The following PTPRD variants were observed in gnomAD, a reference collection of about 807,000 sequenced individuals.
PTPRD encodes the protein protein tyrosine phosphatase receptor type D.
In PTPRD, 34 loss-of-function variants were observed where a neutral mutation model predicts 214.5. The observed-to-expected ratio is 0.16, with a 90% CI of 0.12 to 0.21. The LOEUF (loss-of-function observed/expected upper bound fraction) is 0.21, where lower values mean the gene tolerates loss of function less well. PTPRD is among the 10% of genes least tolerant of loss of function. The pLI is 1.00. For synonymous variants in PTPRD, 1,128 were observed against 845.7 expected (o/e 1.33, Z -5.79); for missense variants, 2,545 against 2,398.7 (o/e 1.06, Z -1.27).
intron 8 of PTPRD, among the ~76,000 whole-genome samples, chr9:9,426,999 C>T (rs2081219636): frequency 6.6e-6 from 1 of 152,170 alleles, no homozygotes; most frequent in Admixed American, 6.5e-5. Context: ...ATCAGAACAC[C>T]TCTTCTCCTC....
intron 9 of PTPRD, among the ~76,000 whole-genome samples, chr9:9,305,867 C>A (rs1179346010): frequency 6.6e-6 from 1 of 152,082 alleles, no homozygotes; most frequent in Non-Finnish European, 1.5e-5. Context: ...CCTGAGGCCA[C>A]CAAGAGAGGC....
chr9:9,190,889 C>A (rs1253015121), intron 9 of PTPRD, among the ~76,000 whole-genome samples: 1 of 152,056 alleles, frequency 6.6e-6, no homozygotes, highest in Non-Finnish European at 1.5e-5. Flanking sequence ...CTTTGGGGGA[C>A]TGTTGGAGAG....
At chr9:9,672,164 A>G (rs866833362) in intron 7 of PTPRD, among the ~76,000 whole-genome samples, 6 of 152,312 alleles carry the variant, frequency 3.9e-5, no homozygotes, top group Middle Eastern at 3.4e-3. Context: ...TTTTTTCACT[A>G]TGTAAAGAAA....
At chr9:9,686,941 A>G (rs1215135983) in intron 7 of PTPRD, among the ~76,000 whole-genome samples, 3 of 151,744 alleles carry the variant, frequency 2.0e-5, no homozygotes, top group Non-Finnish European at 4.4e-5. Flanking sequence ...ACAGGAAACA[A>G]AAATGTATAA....
At chr9:10,044,737 G>T (rs1001124315) in intron 3 of PTPRD, among the ~76,000 whole-genome samples, 48 of 151,668 alleles carry the variant, frequency 3.2e-4, no homozygotes, top group African/African-American at 1.1e-3. Flanking sequence ...GCTGAGACTG[G>T]AACCCAAATT....
chr9:10,070,645 T>C lies in PTPRD; in HGVS notation c.-544-36855A>G, dbSNP rs1033850370. 2.0e-5 allele frequency among the ~76,000 whole-genome samples: 3 copies of C among 152,054 alleles called. No homozygotes were observed. The East Asian group carries it at 5.8e-4, about 29-fold the overall frequency. ...ACTTCTTTGATTACATTTTAATTAA[T>C]AACAGAAGTATTTAATCAGAAAAAA... On this transcript the variant is annotated intron_variant, in intron 3 of 45. Coordinates refer to ENST00000381196, the MANE Select transcript of PTPRD (RefSeq NM_002839.4).
intron 12 of PTPRD, among the ~76,000 whole-genome samples, chr9:8,659,810 A>G (rs919922244): frequency 2.6e-5 from 4 of 152,244 alleles, no homozygotes; most frequent in Non-Finnish European, 5.9e-5. Context: ...ACTACAATTA[A>G]TATCAACGTT....
intron 14 of PTPRD, among the ~76,000 whole-genome samples, chr9:8,579,750 TG>T (rs2092864612): frequency 6.6e-6 from 1 of 152,206 alleles, no homozygotes; most frequent in South Asian, 2.1e-4. Context: ...TATCAGGTGT[TG>T]TAAACAGAGA....
intron 12 of PTPRD, among the ~76,000 whole-genome samples, chr9:8,638,184 G>C (rs150490368): frequency 2.7e-5 from 4 of 146,384 alleles, no homozygotes; most frequent in African/African-American, 1.0e-4. Context: ...ACATGTCATT[G>C]AAAAGTGGTT....
intron 3 of PTPRD, among the ~76,000 whole-genome samples, chr9:10,124,931 C>T (rs545258874): frequency 8.8e-4 from 134 of 152,250 alleles, no homozygotes; most frequent in Admixed American, 2.3e-3. Context: ...GCACTAGTCT[C>T]CAGAAGACCA....
chr9:8,562,228 G>A (rs1331591021), intron 14 of PTPRD, among the ~76,000 whole-genome samples: 1 of 151,962 alleles, frequency 6.6e-6, no homozygotes, highest in South Asian at 2.1e-4. Flanking sequence ...AAAGTACTGA[G>A]GACTCATTAT....
chr9:8,851,329 G>A (rs2814718), intron 11 of PTPRD, among the ~76,000 whole-genome samples: 125,155 of 152,220 alleles, frequency 0.82, 52,007 homozygotes, highest in African/African-American at 0.95. Context: ...TTAGACTTTA[G>A]AGAGAAACGC....
Position 8,431,936 on chromosome 9 carries a change from TG to T in PTPRD, c.4086+4655del, listed in dbSNP as rs985534681. On this transcript the variant is annotated intron_variant, in intron 35 of 45. Transcript: ENST00000381196. ...TTCTCTTTGCACCTCTGGTAGAATT[TG>T]GCTGTGAATCTGTCTGGTCCTGGGC... Among the ~76,000 whole-genome samples, 5 of 152,354 alleles carry T rather than the reference TG, an allele frequency of 3.3e-5. 1 individual carries two copies. Among genetic ancestry groups the T allele is most frequent in the Admixed American group, 6.5e-5 (1 of 15,302 alleles).
At chr9:9,429,860 G>A (rs980491869) in intron 8 of PTPRD, among the ~76,000 whole-genome samples, 10 of 152,086 alleles carry the variant, frequency 6.6e-5, no homozygotes, top group African/African-American at 2.4e-4. Flanking sequence ...AACCCTTCAT[G>A]CTAAAAACTC....
chr9:9,447,693 G>A (rs2090909818), intron 8 of PTPRD, among the ~76,000 whole-genome samples: 2 of 152,052 alleles, frequency 1.3e-5, no homozygotes, highest in South Asian at 4.1e-4. Flanking sequence ...GTTCTCAAGG[G>A]ACTTCTACAT....
intron 9 of PTPRD, among the ~76,000 whole-genome samples, chr9:9,209,341 G>C (rs546545618): frequency 7.2e-5 from 11 of 152,308 alleles, no homozygotes; most frequent in African/African-American, 2.6e-4. Flanking sequence ...AGAAAAATTA[G>C]AGGCAGAACC....
At chr9:9,131,871 GCAGAGGTAT>G (rs2099843227) in intron 10 of PTPRD, among the ~76,000 whole-genome samples, 1 of 150,818 alleles carries the variant, frequency 6.6e-6, no homozygotes, top group Admixed American at 6.6e-5. Flanking sequence ...TTAAAATTTG[GCAGAGGTAT>G]CAGTGAAATA....
chr9:10,325,321 C>A (rs890268812), intron 3 of PTPRD, among the ~76,000 whole-genome samples: 1 of 151,946 alleles, frequency 6.6e-6, no homozygotes, highest in African/African-American at 2.4e-5. Context: ...ATTTTAAAAA[C>A]GTTTTAATGT....
chr9:9,101,225 T>C (rs187793396), intron 10 of PTPRD, among the ~76,000 whole-genome samples: 3 of 151,982 alleles, frequency 2.0e-5, no homozygotes, highest in East Asian at 1.9e-4. Context: ...ATTATAGATA[T>C]AAAAAAAGAT....
Sources: allele counts gnomAD v4.1 joint callset (sites outside exome capture counted in the v4.1 genomes callset), GRCh38; gene constraint gnomAD v4.1.1; transcripts MANE v1.5; gene names NCBI Gene and HGNC (gene_info 2026-07-23, HGNC 2026-07-21).